Variants in TIMMDC1 observed in about 807,000 individuals in gnomAD.
TIMMDC1 encodes translocase of inner mitochondrial membrane domain containing 1.
In TIMMDC1, 25 loss-of-function variants were observed where a neutral mutation model predicts 32.6. That is an observed-to-expected ratio of 0.77 (90% CI 0.56 to 1.07). The LOEUF (loss-of-function observed/expected upper bound fraction) is 1.07, where lower values mean the gene tolerates loss of function less well. Among genes scored for constraint, TIMMDC1 ranks in the 50% least tolerant of loss-of-function variants. TIMMDC1 has a pLI of 0.00. For missense variants in TIMMDC1, 329 were observed against 349.2 expected (o/e 0.94, Z 0.46); for synonymous variants, 130 against 127.6 (o/e 1.02, Z -0.13).
intron 5 of TIMMDC1, among the ~76,000 whole-genome samples, chr3:119,515,015 T>G (rs1465310909): frequency 1.3e-5 from 2 of 151,762 alleles, no homozygotes; most frequent in Non-Finnish European, 2.9e-5. Context: ...CATGGTGAAA[T>G]GCTGTCTCTA....
rs184100013 is a variant in TIMMDC1, at chr3:119,522,000, G to A, written c.708-1606G>A. On this transcript the variant is annotated intron_variant, in intron 6 of 6. Transcript: ENST00000494664. ...CAGCCTTTATAGAAACAGTATGGAA[G>A]TTCCTCAGAAAACTAAAAATAGAAC... Among the ~76,000 whole-genome samples the A allele has an allele frequency of 1.2e-4, 19 of 152,264 alleles. No individual in the cohort carries two copies. The East Asian group carries it at 3.1e-3, about 25-fold the overall frequency.
At chr3:119,502,073 G>C (rs1385980994) in intron 2 of TIMMDC1, among the ~76,000 whole-genome samples, 1 of 152,010 alleles carries the variant, frequency 6.6e-6, no homozygotes, top group African/African-American at 2.4e-5. Context: ...TAAGTATTTT[G>C]AGTACTTGTT....
intron 6 of TIMMDC1, among the ~76,000 whole-genome samples, chr3:119,519,023 A>T (rs1204277247): frequency 1.3e-5 from 2 of 152,266 alleles, no homozygotes; most frequent in African/African-American, 4.8e-5. Flanking sequence ...AGACTGCCTT[A>T]TAAGAAATGC....
At chr3:119,513,866 TG>T (rs2081969623) in intron 5 of TIMMDC1, 147 bp downstream of exon 5, 2 of 545,742 alleles carry the variant, frequency 3.7e-6, no homozygotes, top group Non-Finnish European at 6.5e-6. Context: ...TAGCTTTGAC[TG>T]TCCATTCTAA....
intron 4 of TIMMDC1, among the ~76,000 whole-genome samples, chr3:119,507,781 T>G (rs966037806): frequency 6.6e-6 from 1 of 152,202 alleles, no homozygotes; most frequent in Non-Finnish European, 1.5e-5. Flanking sequence ...TAAATAGGTC[T>G]TTAGTAATTT....
intron 5 of TIMMDC1, among the ~76,000 whole-genome samples, chr3:119,516,862 G>A (rs2107733909): frequency 6.6e-6 from 1 of 152,116 alleles, no homozygotes; most frequent in Non-Finnish European, 1.5e-5. Flanking sequence ...CTTTGGTGTG[G>A]GGCTACTTAC....
chr3:119,516,231 A>G (rs1321093191), intron 5 of TIMMDC1, among the ~76,000 whole-genome samples: 8 of 152,228 alleles, frequency 5.3e-5, no homozygotes, highest in African/African-American at 1.9e-4. Flanking sequence ...AACTATATGC[A>G]TTAAAAACTA....
chr3:119,499,872 C>T (rs1452452072), intron 1 of TIMMDC1, among the ~76,000 whole-genome samples: 6 of 152,182 alleles, frequency 3.9e-5, no homozygotes, highest in Non-Finnish European at 8.8e-5. Context: ...AGTAGTTTTT[C>T]CTTGTTATTT....
At chr3:119,504,975 G>A (rs966865423) in intron 4 of TIMMDC1, among the ~76,000 whole-genome samples, 1 of 151,880 alleles carries the variant, frequency 6.6e-6, no homozygotes, top group Non-Finnish European at 1.5e-5. Flanking sequence ...CTACTTGGGA[G>A]GCTGAGGCAG....
intron 4 of TIMMDC1, among the ~76,000 whole-genome samples, chr3:119,505,079 C>CAAA (rs11290294): frequency 3.1e-5 from 3 of 95,864 alleles, no homozygotes; most frequent in African/African-American, 1.1e-4. Flanking sequence ...ACTCTTGTCT[C>CAAA]AAAAAAAAAA....
intron 2 of TIMMDC1, among the ~76,000 whole-genome samples, chr3:119,502,548 T>A (rs1349109136): frequency 1.3e-5 from 2 of 151,762 alleles, no homozygotes; most frequent in Admixed American, 6.6e-5. Context: ...TATTTTTTAA[T>A]TAATTAATTT....
rs2081938495 is a variant in TIMMDC1, at chr3:119,509,332, C to T, written c.518-4309C>T. ...TAAATTTTTATAGTGGTGTTATTCT[C>T]GACAGCCTCAAACTGAACCCATAAA... On this transcript the variant is annotated intron_variant, in intron 4 of 6. Transcript: ENST00000494664. Among the ~76,000 whole-genome samples, 4 of 152,130 alleles carry T rather than the reference C, an allele frequency of 2.6e-5. No homozygotes were observed. The South Asian group carries it at 6.2e-4, about 24-fold the overall frequency.
At chr3:119,520,060 A>C (rs1429926826) in intron 6 of TIMMDC1, among the ~76,000 whole-genome samples, 2 of 152,302 alleles carry the variant, frequency 1.3e-5, no homozygotes, top group Non-Finnish European at 2.9e-5. Context: ...TCTTGAAACA[A>C]ATGAAAACAG....
At chr3:119,522,919 A>T (rs1219413792) in intron 6 of TIMMDC1, among the ~76,000 whole-genome samples, 1 of 152,100 alleles carries the variant, frequency 6.6e-6, no homozygotes, top group African/African-American at 2.4e-5. Flanking sequence ...CAGGAAAATC[A>T]AACAAATTGA....
intron 5 of TIMMDC1, among the ~76,000 whole-genome samples, chr3:119,514,418 A>T (rs55853418): frequency 0.15 from 22,885 of 152,218 alleles, 4,505 homozygotes; most frequent in African/African-American, 0.46. Context: ...CCCAGGATGA[A>T]GAATACTCTT....
chr3:119,518,703 C>G (rs975039241), intron 6 of TIMMDC1, among the ~76,000 whole-genome samples: 25 of 152,208 alleles, frequency 1.6e-4, no homozygotes, highest in African/African-American at 6.0e-4. Flanking sequence ...TCTTCCACCA[C>G]TGGCAACCCT....
At chr3:119,506,832 C>T (rs1166430897) in intron 4 of TIMMDC1, among the ~76,000 whole-genome samples, 1 of 152,210 alleles carries the variant, frequency 6.6e-6, no homozygotes, top group African/African-American at 2.4e-5. Context: ...TTACAATCTC[C>T]TCGGATTTCC....
At chr3:119,498,951 TG>T in intron 1 of TIMMDC1, 24 bp downstream of exon 1, 1 of 1,611,530 alleles carries the variant, frequency 6.2e-7, no homozygotes, top group Non-Finnish European at 8.5e-7. Context: ...GGGTGTGAAG[TG>T]GGGTAGGGGG....
intron 5 of TIMMDC1, among the ~76,000 whole-genome samples, chr3:119,516,167 A>G (rs1330273060): frequency 6.6e-6 from 1 of 152,224 alleles, no homozygotes; most frequent in Non-Finnish European, 1.5e-5. Context: ...AAAAATGCTA[A>G]GTATATTCAC....
Sources: allele counts gnomAD v4.1 joint callset (sites outside exome capture counted in the v4.1 genomes callset), GRCh38; gene constraint gnomAD v4.1.1; transcripts MANE v1.5; gene names NCBI Gene and HGNC (gene_info 2026-07-23, HGNC 2026-07-21).